The following LIMCH1 variants were observed in gnomAD, a reference collection of about 807,000 sequenced individuals.
The protein encoded by LIMCH1 is LIM and calponin homology domains-containing protein 1.
Under a neutral mutation model 176.5 loss-of-function variants are expected in LIMCH1, and 113 were observed. The ratio of observed to expected loss-of-function variants is 0.64; its 90% CI spans 0.55 to 0.75. LIMCH1 has a LOEUF of 0.75. Ranked by LOEUF, LIMCH1 falls within the 30% of genes least tolerant of loss-of-function variation. LIMCH1 has a pLI of 0.00. For synonymous variants in LIMCH1, 619 were observed against 645.9 expected, an observed-to-expected ratio of 0.96 and a Z score of 0.63; for missense variants, 1,674 against 1,814.9, an observed-to-expected ratio of 0.92 and a Z score of 1.41.
At chr4:41,623,594 C>G (rs2092736896) in intron 7 of LIMCH1, among the ~76,000 whole-genome samples, 2 of 152,050 alleles carry the variant, frequency 1.3e-5, no homozygotes, top group South Asian at 4.2e-4. Context: ...CCTGTCTCCA[C>G]TAAAAGTACC....
intron 1 of LIMCH1, among the ~76,000 whole-genome samples, chr4:41,597,418 T>C (rs1207927390): frequency 6.6e-6 from 1 of 152,200 alleles, no homozygotes; most frequent in Admixed American, 6.5e-5. Context: ...GCTATTGTTC[T>C]TGTTGTTATT....
Position 41,629,656 on chromosome 4 carries a change from C to G in LIMCH1, c.1193C>G (p.Pro398Arg). 2 of 1,536,056 alleles carry G rather than the reference C, an allele frequency of 1.3e-6. No homozygotes were observed. The highest frequency in any genetic ancestry group is 1.7e-6 in the Non-Finnish European group (2 of 1,146,894). ...QGSLAPHREP[P>R]SFITLSNITE... is the part of the protein sequence containing the mutation. Reference sequence around the variant, plus strand: ...AGCCTTGCCCCTCACCGCGAGCCCCCGAGCTTCATTACGCTCTCCAACATA... The same window carrying G: ...AGCCTTGCCCCTCACCGCGAGCCCCGGAGCTTCATTACGCTCTCCAACATA... Residue 398 changes from proline to arginine, a missense_variant, in exon 9 of 32, where the codon CCG becomes CGG. This residue lies in a region of LIMCH1 where 655 missense variants were observed against 692.2 expected (regional missense o/e 0.95). Transcript: ENST00000503057.
intron 1 of LIMCH1, among the ~76,000 whole-genome samples, chr4:41,419,127 T>C: frequency 3.2e-4 from 1 of 3,082 alleles, no homozygotes; most frequent in East Asian, 8.6e-3. Context: ...CGTTTTGTTT[T>C]ATTTTATTTT....
At chr4:41,537,646 G>T (rs1180750949), upstream of LIMCH1, among the ~76,000 whole-genome samples, 1 of 152,000 alleles carries the variant, frequency 6.6e-6, no homozygotes, top group Non-Finnish European at 1.5e-5. Context: ...TATAAGATGG[G>T]GTTGATAAAT....
At chr4:41,524,217 C>T (rs1018701982) in intron 2 of LIMCH1, among the ~76,000 whole-genome samples, 37 of 152,188 alleles carry the variant, frequency 2.4e-4, no homozygotes, top group African/African-American at 7.5e-4. Flanking sequence ...CTTCACCTGC[C>T]GTGGACCAAC....
intron 5 of LIMCH1, among the ~76,000 whole-genome samples, chr4:41,616,742 A>C (rs1205670793): frequency 1.3e-5 from 2 of 151,962 alleles, no homozygotes; most frequent in African/African-American, 4.8e-5. Context: ...TAGGTGCTTT[A>C]TGTCATCTCA....
intron 1 of LIMCH1, among the ~76,000 whole-genome samples, chr4:41,444,927 G>A (rs1438761972): frequency 6.6e-6 from 1 of 152,054 alleles, no homozygotes; most frequent in Non-Finnish European, 1.5e-5. Context: ...TACTGACAAA[G>A]TCACCAACTT....
chr4:41,386,208 A>G (rs973838333), intron 1 of LIMCH1, among the ~76,000 whole-genome samples: 2 of 149,574 alleles, frequency 1.3e-5, no homozygotes, highest in African/African-American at 4.9e-5. Flanking sequence ...TCTGACCTGT[A>G]AATGGTTGCT....
chr4:41,678,589 T>G (rs1174839822), intron 23 of LIMCH1, among the ~76,000 whole-genome samples: 1 of 152,210 alleles, frequency 6.6e-6, no homozygotes, highest in East Asian at 1.9e-4. Flanking sequence ...CTCTATTACA[T>G]GCCAAGGGGT....
chr4:41,614,252 A>T (rs2091811451), intron 5 of LIMCH1, among the ~76,000 whole-genome samples: 1 of 152,230 alleles, frequency 6.6e-6, no homozygotes, highest in African/African-American at 2.4e-5. Context: ...TGAAGCTGGG[A>T]TTGATTTAAA....
chr4:41,454,939 CATGTGT>C lies in LIMCH1; in HGVS notation c.97-39596_97-39591del, dbSNP rs1282986085. Among the ~76,000 whole-genome samples the C allele has an allele frequency of 5.0e-4, 65 of 130,560 alleles. 1 individual carries two copies. The highest frequency in any genetic ancestry group is 1.5e-3 in the African/African-American group (47 of 30,600). 85.7% of individuals were successfully genotyped at this position (130,560 alleles called of 152,430 possible). On this transcript the variant is annotated intron_variant, in intron 1 of 26. Coordinates refer to the LIMCH1 transcript ENST00000313860. ...TTTTATAGCTGTGCTTGTATGCGTA[CATGTGT>C]GTGTGTGTGTGTGTGTGTGTGTGTG...
intron 1 of LIMCH1, among the ~76,000 whole-genome samples, chr4:41,597,126 A>T (rs2089008463): frequency 6.6e-6 from 1 of 151,826 alleles, no homozygotes; most frequent in East Asian, 1.9e-4. Context: ...ATGGCCTTCG[A>T]GGCGTCTATG....
In LIMCH1 at chr4:41,559,523, C is replaced by T. The variant is rs146409766; in HGVS notation, c.-241+21173C>T. On this transcript the variant is annotated intron_variant, in intron 1 of 31. Coordinates refer to ENST00000503057, the MANE Select transcript of LIMCH1 (RefSeq NM_001330672.2). ...CTTTCCTGAACCTGGCTGCATCCTC[C>T]GACTCCCGTTTTCTTCATCCTCTTC... Among the ~76,000 whole-genome samples the T allele has an allele frequency of 3.7e-3, 558 of 152,192 alleles. 2 individuals carry two copies. The highest frequency in any genetic ancestry group is 0.012 in the African/African-American group (505 of 41,532).
chr4:41,448,165 G>C (rs1379758684), intron 1 of LIMCH1, among the ~76,000 whole-genome samples: 1 of 152,194 alleles, frequency 6.6e-6, no homozygotes, highest in African/African-American at 2.4e-5. Flanking sequence ...GGGAGCTTTT[G>C]CATTATTGCT....
At chr4:41,695,207 A>AAT (rs1209983280) in intron 31 of LIMCH1, among the ~76,000 whole-genome samples, 1 of 151,386 alleles carries the variant, frequency 6.6e-6, no homozygotes. Context: ...TATGTAATTA[A>AAT]ATATATATAT....
At chr4:41,538,555 CTTT>C (rs60418235) in intron 1 of LIMCH1, among the ~76,000 whole-genome samples, 1 of 143,180 alleles carries the variant, frequency 7.0e-6, no homozygotes, top group Admixed American at 7.0e-5. Context: ...TTTAATTAAG[CTTT>C]TTTTTTTTTT....
At chr4:41,627,574 T>C (rs895112428) in intron 8 of LIMCH1, among the ~76,000 whole-genome samples, 1 of 152,262 alleles carries the variant, frequency 6.6e-6, no homozygotes, top group Non-Finnish European at 1.5e-5. Flanking sequence ...CTCAAACTTA[T>C]ACTTCTATAT....
chr4:41,662,179 A>C lies in LIMCH1; in HGVS notation c.3128-642A>C, dbSNP rs533139574. 2.2e-3 allele frequency among the ~76,000 whole-genome samples: 332 copies of C among 152,292 alleles called. 5 individuals are homozygous for C. The highest frequency in any genetic ancestry group is 7.8e-3 in the African/African-American group (324 of 41,556). ...AATTACCAAATTATTTTTAGGTAAC[A>C]TTTTTAAATAAATTAAATATCACTT... On this transcript the variant is annotated intron_variant, in intron 19 of 31. Transcript: ENST00000503057.
chr4:41,616,439 G>A (rs1180760431), intron 5 of LIMCH1, among the ~76,000 whole-genome samples: 2 of 152,084 alleles, frequency 1.3e-5, no homozygotes, highest in South Asian at 2.1e-4. Flanking sequence ...TGAGGCAGGA[G>A]AATCACTTGA....
Sources: allele counts gnomAD v4.1 joint callset (sites outside exome capture counted in the v4.1 genomes callset), GRCh38; gene constraint gnomAD v4.1.1; regional missense constraint gnomAD v4.1.1; transcripts MANE v1.5; gene names NCBI Gene and HGNC (gene_info 2026-07-23, HGNC 2026-07-21).